The following SGK3 variants were observed in gnomAD, a reference collection of about 807,000 sequenced individuals.
SGK3 encodes the protein serine/threonine-protein kinase Sgk3.
Under a neutral mutation model 68.5 loss-of-function variants are expected in SGK3, and 47 were observed. The ratio of observed to expected loss-of-function variants is 0.69; its 90% CI spans 0.54 to 0.87. SGK3 has a LOEUF of 0.87. Among genes scored for constraint, SGK3 ranks in the 40% least tolerant of loss-of-function variants. SGK3 has a pLI of 0.00. For missense variants in SGK3, 479 were observed against 575.5 expected, an observed-to-expected ratio of 0.83 and a Z score of 1.72; for synonymous variants, 181 against 189.1, an observed-to-expected ratio of 0.96 and a Z score of 0.35.
At chr8:66,723,125 A>ATTT (rs1804865581) in intron 1 of SGK3, among the ~76,000 whole-genome samples, 1 of 52,222 alleles carries the variant, frequency 1.9e-5, no homozygotes, top group African/African-American at 9.2e-5. Context: ...ATATATATAT[A>ATTT]TATATATTTT....
intron 1 of SGK3, among the ~76,000 whole-genome samples, chr8:66,752,187 C>T (rs1029640113): frequency 1.3e-5 from 2 of 152,124 alleles, no homozygotes; most frequent in South Asian, 2.1e-4. Flanking sequence ...AAGCTGATGA[C>T]GTTTCGTTGA....
At chr8:66,808,198 A>T (rs1808241424) in intron 4 of SGK3, among the ~76,000 whole-genome samples, 1 of 152,220 alleles carries the variant, frequency 6.6e-6, no homozygotes, top group Non-Finnish European at 1.5e-5. Context: ...GGAACCATGT[A>T]CTATTTTAAA....
chr8:66,771,878 C>T lies in SGK3; in HGVS notation c.-121-21738C>T, dbSNP rs527454437. On this transcript the variant is annotated intron_variant, in intron 1 of 16. Transcript: ENST00000521198. ...CCATGAATCTCAAAGACTTAGTCTT[C>T]CAAAAAAGTCTTACTTAATAATAAT... Among the ~76,000 whole-genome samples the T allele has an allele frequency of 7.5e-4, 114 of 151,454 alleles. 1 individual carries two copies. The highest frequency in any genetic ancestry group is 2.7e-3 in the African/African-American group (112 of 41,336).
At chr8:66,740,149 T>C (rs558118032) in intron 1 of SGK3, among the ~76,000 whole-genome samples, 1 of 152,380 alleles carries the variant, frequency 6.6e-6, no homozygotes, top group East Asian at 1.9e-4. Context: ...TTTCATTCTC[T>C]GTACTTCTGT....
chr8:66,753,126 G>A (rs1267456265), intron 1 of SGK3, among the ~76,000 whole-genome samples: 2 of 152,100 alleles, frequency 1.3e-5, no homozygotes, highest in Non-Finnish European at 2.9e-5. Flanking sequence ...CTTGTTTCAG[G>A]TACAACAACA....
intron 1 of SGK3, among the ~76,000 whole-genome samples, chr8:66,742,818 A>G (rs1805520767): frequency 6.6e-6 from 1 of 152,180 alleles, no homozygotes; most frequent in South Asian, 2.1e-4. Context: ...GACTCAGCAT[A>G]TTGGTCAAGT....
intron 1 of SGK3, among the ~76,000 whole-genome samples, chr8:66,778,811 C>T (rs894063853): frequency 6.6e-6 from 1 of 152,016 alleles, no homozygotes; most frequent in Non-Finnish European, 1.5e-5. Flanking sequence ...GTCCAATACG[C>T]ATGTAGATGG....
At chr8:66,816,144 G>C (rs1487771323) in intron 5 of SGK3, among the ~76,000 whole-genome samples, 1 of 149,662 alleles carries the variant, frequency 6.7e-6, no homozygotes, top group Non-Finnish European at 1.5e-5. Context: ...GGACTACAGG[G>C]GCGCACCACC....
At chr8:66,744,556 T>C (rs1805593724) in intron 1 of SGK3, among the ~76,000 whole-genome samples, 1 of 121,994 alleles carries the variant, frequency 8.2e-6, no homozygotes, top group African/African-American at 2.9e-5. Flanking sequence ...AGATGGAGTC[T>C]CACTCTGTTG....
chr8:66,717,040 A>C (rs1804653602), intron 1 of SGK3, among the ~76,000 whole-genome samples: 1 of 151,846 alleles, frequency 6.6e-6, no homozygotes, highest in Admixed American at 6.6e-5. Flanking sequence ...TACTAAAAAA[A>C]AAAAAAATAC....
At chr8:66,858,034 T>G (rs1180595149) in intron 16 of SGK3, among the ~76,000 whole-genome samples, 1 of 152,098 alleles carries the variant, frequency 6.6e-6, no homozygotes, top group Non-Finnish European at 1.5e-5. Context: ...ACAATTTTAC[T>G]TATAACCAAG....
At chr8:66,856,873 A>G (rs1181460977) in intron 16 of SGK3, among the ~76,000 whole-genome samples, 1 of 152,190 alleles carries the variant, frequency 6.6e-6, no homozygotes, top group African/African-American at 2.4e-5. Flanking sequence ...CGGGCATATC[A>G]CTTGAGGTCA....
At chr8:66,743,184 G>A (rs1478832505) in intron 1 of SGK3, among the ~76,000 whole-genome samples, 2 of 152,084 alleles carry the variant, frequency 1.3e-5, no homozygotes, top group African/African-American at 4.8e-5. Context: ...CAATTTAGTG[G>A]GTTGTTAGCA....
At chr8:66,797,655 A>G (rs1807753744) in intron 2 of SGK3, among the ~76,000 whole-genome samples, 1 of 152,216 alleles carries the variant, frequency 6.6e-6, no homozygotes, top group Non-Finnish European at 1.5e-5. Flanking sequence ...ATTCTTATTA[A>G]TAGTTTGAAA....
intron 4 of SGK3, among the ~76,000 whole-genome samples, chr8:66,806,169 A>C (rs1238207259): frequency 6.6e-6 from 1 of 151,300 alleles, no homozygotes; most frequent in Admixed American, 6.6e-5. Flanking sequence ...GGTTACATAC[A>C]GAGTTTTTTT....
intron 1 of SGK3, among the ~76,000 whole-genome samples, chr8:66,755,657 G>A (rs1332657689): frequency 6.6e-6 from 1 of 152,138 alleles, no homozygotes; most frequent in Non-Finnish European, 1.5e-5. Context: ...TACTCATTGA[G>A]TGACCCCAGT....
Position 66,813,873 on chromosome 8 carries a change from G to A in SGK3, c.274G>A (p.Ala92Thr), listed in dbSNP as rs1808477333. 2 of 1,580,154 alleles carry A rather than the reference G, an allele frequency of 1.3e-6. No homozygotes were observed. Among genetic ancestry groups the A allele is most frequent in the Non-Finnish European group, 1.7e-6 (2 of 1,164,594 alleles). ...FDPDFIKQRR[A>T]GLNEFIQNLV... ...TCCAGATTTTATTAAACAAAGACGAGCAGGACTAAACGAATTCATTCAGAA... is the reference window on the plus strand; with the variant it reads ...TCCAGATTTTATTAAACAAAGACGAACAGGACTAAACGAATTCATTCAGAA... Residue 92 changes from alanine (A) to threonine (T), a missense_variant, in exon 5 of 17, where the codon GCA becomes ACA. Ala to Thr is a moderately conservative substitution (Grantham distance 58, BLOSUM62 0). This residue lies in a region of SGK3 where 298 missense variants were observed against 329.4 expected (regional missense o/e 0.90). Coordinates refer to ENST00000521198, the MANE Select transcript of SGK3 (RefSeq NM_001033578.3).
chr8:66,770,012 G>A (rs1401345079), intron 1 of SGK3, among the ~76,000 whole-genome samples: 1 of 152,178 alleles, frequency 6.6e-6, no homozygotes, highest in Non-Finnish European at 1.5e-5. Flanking sequence ...GGAGTGCAGT[G>A]GCGCAATCTC....
chr8:66,721,412 T>A lies in SGK3; in HGVS notation c.-122+8579T>A, dbSNP rs189798694. Among the ~76,000 whole-genome samples the A allele has an allele frequency of 2.8e-4, 43 of 152,362 alleles. No homozygotes were observed. In the East Asian group the frequency reaches 7.9e-3, roughly 28 times the overall value. Reference sequence around the variant, plus strand: ...TAAGAAAAGTTCTGTCTTTTCTCTATCCCACTCTCTTCATGTTGGTCTTAA... The same window carrying A: ...TAAGAAAAGTTCTGTCTTTTCTCTAACCCACTCTCTTCATGTTGGTCTTAA... On this transcript the variant is annotated intron_variant, in intron 1 of 16. Coordinates refer to ENST00000521198, the MANE Select transcript of SGK3 (RefSeq NM_001033578.3).
Sources: gnomAD v4.1 joint callset for allele counts (sites outside exome capture counted in the v4.1 genomes callset) on GRCh38, gnomAD v4.1.1 for gene constraint, gnomAD v4.1.1 regional missense constraint, MANE v1.5 for transcripts, NCBI Gene and HGNC (gene_info 2026-07-23, HGNC 2026-07-21) for gene names.